Variants in FARSB observed in about 807,000 individuals in gnomAD.
FARSB encodes the protein phenylalanine--tRNA ligase beta subunit.
In FARSB, 40 loss-of-function variants were observed where a neutral mutation model predicts 69.6. The ratio of observed to expected loss-of-function variants is 0.57; its 90% CI spans 0.45 to 0.75. FARSB has a LOEUF of 0.75. Ranked by LOEUF, FARSB falls within the 30% of genes least tolerant of loss-of-function variation. FARSB has a pLI of 0.00. For synonymous variants in FARSB, 235 were observed against 247.2 expected (o/e 0.95, Z 0.46); for missense variants, 632 against 722.9 (o/e 0.87, Z 1.44).
chr2:222,586,685 C>CA (rs1026515977), intron 16 of FARSB, among the ~76,000 whole-genome samples: 10 of 151,242 alleles, frequency 6.6e-5, no homozygotes, highest in Admixed American at 2.0e-4. Context: ...AAATGGAAAA[C>CA]AAAAAAAAGC....
chr2:222,627,092 C>G (rs1056764591), intron 10 of FARSB, among the ~76,000 whole-genome samples: 3 of 152,078 alleles, frequency 2.0e-5, no homozygotes, highest in African/African-American at 7.2e-5. Flanking sequence ...TATTTTAAAA[C>G]CATCTAAAAA....
intron 13 of FARSB, among the ~76,000 whole-genome samples, chr2:222,621,778 T>C (rs147541784): frequency 1.3e-3 from 204 of 152,354 alleles, no homozygotes; most frequent in African/African-American, 4.3e-3. Context: ...GCTGTTACTC[T>C]TGTGCAAAAC....
In FARSB at chr2:222,569,873, G is replaced by C. The variant is rs1249493563; in HGVS notation, c.*1998C>G. On this transcript the variant is annotated 3_prime_UTR_variant, in exon 17 of 17. Transcript: ENST00000281828. ...TTGTAACTACTATAAGTAACACTGT[G>C]AACACTTGCATAAAAATCTTTGGCC... is the stretch of plus-strand genomic sequence containing the variant. 6.6e-6 allele frequency among the ~76,000 whole-genome samples: 1 copy of C among 152,144 alleles called. No homozygotes were observed. The highest frequency in any genetic ancestry group is 1.9e-4 in the East Asian group (1 of 5,202).
intron 2 of FARSB, among the ~76,000 whole-genome samples, chr2:222,647,840 G>C (rs986601868): frequency 2.0e-5 from 3 of 152,218 alleles, no homozygotes; most frequent in African/African-American, 7.2e-5. Context: ...GATCACTTGA[G>C]GTCAGCAGTT....
intron 2 of FARSB, among the ~76,000 whole-genome samples, chr2:222,647,282 C>T (rs1323380289): frequency 2.0e-5 from 3 of 152,170 alleles, no homozygotes; most frequent in Non-Finnish European, 4.4e-5. Context: ...GACAGCTAGC[C>T]TCTGCTCGGA....
intron 14 of FARSB, among the ~76,000 whole-genome samples, chr2:222,619,319 TA>T (rs35884135): frequency 0.46 from 56,863 of 123,916 alleles, 11,865 homozygotes; most frequent in African/African-American, 0.57. Context: ...AAATAAAAAT[TA>T]AAAAAAAAAA....
intron 5 of FARSB, among the ~76,000 whole-genome samples, chr2:222,635,011 T>C (rs1424945279): frequency 6.6e-6 from 1 of 152,202 alleles, no homozygotes; most frequent in African/African-American, 2.4e-5. Flanking sequence ...ACCTTAGTCA[T>C]GGAAAAAATT....
At chr2:222,584,225 T>G (rs1310803822) in intron 16 of FARSB, among the ~76,000 whole-genome samples, 2 of 152,054 alleles carry the variant, frequency 1.3e-5, no homozygotes, top group African/African-American at 4.8e-5. Flanking sequence ...AAAAAAAAAT[T>G]TTGCATACCA....
intron 16 of FARSB, among the ~76,000 whole-genome samples, chr2:222,581,341 A>G (rs1689964478): frequency 6.6e-6 from 1 of 152,218 alleles, no homozygotes; most frequent in Non-Finnish European, 1.5e-5. Flanking sequence ...AAGGAATAAT[A>G]TGGGAGAGAA....
At chr2:222,633,594 A>G (rs536790849) in intron 6 of FARSB, among the ~76,000 whole-genome samples, 6 of 149,916 alleles carry the variant, frequency 4.0e-5, no homozygotes, top group African/African-American at 1.5e-4. Flanking sequence ...AGGCAGGAGG[A>G]TCACTTGAAC....
chr2:222,653,343 C>T (rs143451190), intron 1 of FARSB, among the ~76,000 whole-genome samples: 5 of 151,020 alleles, frequency 3.3e-5, no homozygotes, highest in Non-Finnish European at 5.9e-5. Flanking sequence ...AGAAAGCAAC[C>T]CTTGGAGGGA....
chr2:222,639,470 A>G, intron 5 of FARSB, 110 bp downstream of exon 5: 1 of 454,402 alleles, frequency 2.2e-6, no homozygotes. Flanking sequence ...GAGAGAGAGA[A>G]AGAAGGCAGA....
chr2:222,614,048 C>T (rs1341767306), intron 14 of FARSB, 120 bp from the exon 15 acceptor site: 7 of 524,756 alleles, frequency 1.3e-5, no homozygotes, highest in Non-Finnish European at 2.4e-5. Context: ...CTGGAAAATG[C>T]ATTGCCCTAA....
At chr2:222,653,824 G>A (rs1174171654) in intron 1 of FARSB, among the ~76,000 whole-genome samples, 2 of 151,948 alleles carry the variant, frequency 1.3e-5, no homozygotes, top group African/African-American at 2.4e-5. Flanking sequence ...GTTTTGCTGT[G>A]TTGCCCAGTC....
Position 222,587,091 on chromosome 2 carries a change from G to C in FARSB, c.1618+12837C>G, listed in dbSNP as rs1690135219. Reference sequence around the variant, plus strand: ...ACCACATCGCACTTATTCCAAAACTGACCACATAGTTGGAAGTAAAGCACT... The same window carrying C: ...ACCACATCGCACTTATTCCAAAACTCACCACATAGTTGGAAGTAAAGCACT... On this transcript the variant is annotated intron_variant, in intron 16 of 16. Transcript: ENST00000281828. 2.0e-5 allele frequency among the ~76,000 whole-genome samples: 3 copies of C among 152,114 alleles called. No homozygotes were observed. The South Asian group carries it at 6.2e-4, about 32-fold the overall frequency.
chr2:222,641,426 CTT>C (rs1691715831), intron 3 of FARSB, among the ~76,000 whole-genome samples: 1 of 152,162 alleles, frequency 6.6e-6, no homozygotes, highest in Non-Finnish European at 1.5e-5. Context: ...CTAGGGAACT[CTT>C]ATCATAGGGA....
In FARSB at chr2:222,567,190, C is replaced by T. The variant is rs1689649048; in HGVS notation, c.*4681G>A. ...CAAAGGCCTCATCTCCAAAGACCAT[C>T]ACACTGGAGGTCAGAGGGTCAACAT... is the stretch of plus-strand genomic sequence containing the variant. On this transcript the variant is annotated 3_prime_UTR_variant, in exon 17 of 17. Transcript: ENST00000281828. The T allele has an allele frequency of 1.3e-5, 2 of 152,246 alleles. No individual in the cohort carries two copies. The highest frequency in any genetic ancestry group is 4.1e-4 in the South Asian group (2 of 4,838). 9.4% of individuals were successfully genotyped at this position (152,246 alleles called of 1,614,324 possible). A position where few individuals can be genotyped will look rare whatever the true frequency, so the allele number is the denominator to read the frequency against.
At chr2:222,584,854 G>A (rs1378266362) in intron 16 of FARSB, among the ~76,000 whole-genome samples, 3 of 152,228 alleles carry the variant, frequency 2.0e-5, no homozygotes, top group Non-Finnish European at 4.4e-5. Context: ...AGCTCAAACT[G>A]CGTGGAGCCC....
chr2:222,650,492 G>A (rs1692005778), intron 1 of FARSB, among the ~76,000 whole-genome samples: 1 of 152,160 alleles, frequency 6.6e-6, no homozygotes, highest in Non-Finnish European at 1.5e-5. Flanking sequence ...CGTTAAAGAG[G>A]TGGAATGTAT....
Sources: gnomAD v4.1 joint callset for allele counts (sites outside exome capture counted in the v4.1 genomes callset) on GRCh38, gnomAD v4.1.1 for gene constraint, MANE v1.5 for transcripts, NCBI Gene and HGNC (gene_info 2026-07-23, HGNC 2026-07-21) for gene names.